CASZ1: variants seen among roughly 807,000 people sequenced by gnomAD.
CASZ1 encodes castor zinc finger 1.
Under a neutral mutation model 135.2 loss-of-function variants are expected in CASZ1, and 28 were observed. The ratio of observed to expected loss-of-function variants is 0.21; its 90% CI spans 0.15 to 0.28. The LOEUF is 0.28. CASZ1 is among the 10% of genes least tolerant of loss of function. The pLI is 1.00. For synonymous variants in CASZ1, 1,068 were observed against 1,073.4 expected, an observed-to-expected ratio of 0.99 and a Z score of 0.10; for missense variants, 2,161 against 2,453.3, an observed-to-expected ratio of 0.88 and a Z score of 2.52.
At position 10,699,124 on chromosome 1, in the gene CASZ1, C is replaced by T. The variant is rs966444057; in HGVS notation, c.-23-5212G>A. On this transcript the variant is annotated intron_variant, in intron 3 of 20. Coordinates refer to ENST00000377022, the MANE Select transcript of CASZ1 (RefSeq NM_001079843.3). This position sits in a 1 kb window ranked among gnomAD's most constrained non-coding sequence, Gnocchi z 4.6. ...TTGCTCCAGGGCGTTCTCAGGGGCC[C>T]ATGAGGCCTGGCAGGGTACCAGCCT... 6.6e-6 allele frequency among the ~76,000 whole-genome samples: 1 copy of T among 152,098 alleles called. No homozygotes were observed. The highest frequency in any genetic ancestry group is 1.5e-5 in the Non-Finnish European group (1 of 68,000).
chr1:10,795,314 T>G (rs1274639186), intron 1 of CASZ1, among the ~76,000 whole-genome samples: 1 of 152,176 alleles, frequency 6.6e-6, no homozygotes, highest in Non-Finnish European at 1.5e-5. Context: ...GCTCTCTCCC[T>G]TTGGTGTTCC....
chr1:10,779,073 C>T (rs1400823482), intron 1 of CASZ1, among the ~76,000 whole-genome samples: 1 of 152,116 alleles, frequency 6.6e-6, no homozygotes, highest in African/African-American at 2.4e-5. Context: ...TTATTTTTTC[C>T]TTCCCACTGG....
intron 4 of CASZ1, among the ~76,000 whole-genome samples, chr1:10,677,589 C>G (rs1189349558): frequency 1.3e-5 from 2 of 152,154 alleles, no homozygotes; most frequent in Admixed American, 1.3e-4. Context: ...GTCCTAGGTG[C>G]ACAGAACTTT....
intron 1 of CASZ1, among the ~76,000 whole-genome samples, chr1:10,796,045 C>G (rs962995441): frequency 6.9e-6 from 1 of 144,670 alleles, no homozygotes; most frequent in African/African-American, 2.5e-5. Flanking sequence ...CACGACCCCT[C>G]TGCTGCTGGG....
rs1424156844 is a variant in CASZ1, at chr1:10,679,077, T to C, written c.17-13506A>G. On this transcript the variant is annotated intron_variant, in intron 4 of 20. Coordinates refer to ENST00000377022, the MANE Select transcript of CASZ1 (RefSeq NM_001079843.3). This position sits in a 1 kb window ranked among gnomAD's most constrained non-coding sequence, Gnocchi z 4.7. ...GTGTCCCCTCACTCTCCTCCATCAC[T>C]GCTCCCTGGGCCATGAAGAGCTGAG... Among the ~76,000 whole-genome samples, 1 of 151,752 alleles carries C rather than the reference T, an allele frequency of 6.6e-6. No homozygotes were observed. Among genetic ancestry groups the C allele is most frequent in the Non-Finnish European group, 1.5e-5 (1 of 67,872 alleles).
At chr1:10,733,195 A>T (rs1639733846) in intron 2 of CASZ1, among the ~76,000 whole-genome samples, 3 of 152,178 alleles carry the variant, frequency 2.0e-5, no homozygotes, top group Non-Finnish European at 4.4e-5. Context: ...GGGGGACTAG[A>T]TGTGAAAGAC....
Position 10,720,523 on chromosome 1 carries a change from T to C in CASZ1, c.-76-14979A>G, listed in dbSNP as rs1639478151. ...AAGCAGCCACCAAGGCCCTGGACTG[T>C]AAGGCTGGAGGGGAAGGTGGGAAGA... On this transcript the variant is annotated intron_variant, in intron 2 of 20. Coordinates refer to ENST00000377022, the MANE Select transcript of CASZ1 (RefSeq NM_001079843.3). The surrounding 1 kb of genome is among the most constrained non-coding windows in gnomAD (Gnocchi z 5.7). Among the ~76,000 whole-genome samples the C allele has an allele frequency of 6.6e-6, 1 of 152,136 alleles. No homozygotes were observed. Among genetic ancestry groups the C allele is most frequent in the Non-Finnish European group, 1.5e-5 (1 of 68,014 alleles).
At chr1:10,681,161 A>G (rs1440458655) in intron 4 of CASZ1, among the ~76,000 whole-genome samples, 1 of 151,560 alleles carries the variant, frequency 6.6e-6, no homozygotes, top group African/African-American at 2.4e-5. Context: ...TTGGCCTCCC[A>G]AAGTGCTGGG....
chr1:10,772,290 C>T (rs1330258005), intron 1 of CASZ1, among the ~76,000 whole-genome samples: 4 of 152,156 alleles, frequency 2.6e-5, no homozygotes, highest in Non-Finnish European at 5.9e-5. Flanking sequence ...TCCATCAGTC[C>T]CAGGCACCCC....
chr1:10,658,423 G>T lies in CASZ1; in HGVS notation c.1409+85C>A, dbSNP rs531708236. 6.3e-6 allele frequency: 7 copies of T among 1,112,592 alleles called. No individual in the cohort carries two copies. In the South Asian group the frequency reaches 6.4e-5, roughly 10 times the overall value. 68.9% of individuals were successfully genotyped at this position (1,112,592 alleles called of 1,614,324 possible). On this transcript the variant is annotated intron_variant, in intron 7 of 20. Transcript: ENST00000377022. ...GCAGCTACCTTGGCCCTAGAGGTCA[G>T]ATATCAAACGAATGGCCTCAGAGTG...
intron 3 of CASZ1, among the ~76,000 whole-genome samples, chr1:10,698,763 T>A (rs72641472): frequency 0.02 from 3,087 of 152,240 alleles, 51 homozygotes; most frequent in Non-Finnish European, 0.034. Flanking sequence ...AGCGAGCTCC[T>A]CCAAACTGGC....
rs654062 is a variant in CASZ1, at chr1:10,689,022, G to A, written c.16+4852C>T. ...AAAAGGAGGAAGAGGTGGGAGCAGCGGCCAGGGTGGTCAGGGTGTAAAAAT... is the reference window on the plus strand; with the variant it reads ...AAAAGGAGGAAGAGGTGGGAGCAGCAGCCAGGGTGGTCAGGGTGTAAAAAT... On this transcript the variant is annotated intron_variant, in intron 4 of 20. Transcript: ENST00000377022. Among the ~76,000 whole-genome samples the A allele has an allele frequency of 7.6e-3, 1,160 of 152,288 alleles. 13 individuals are homozygous for A. Among genetic ancestry groups the A allele is most frequent in the Non-Finnish European group, 0.013 (873 of 68,020 alleles).
At chr1:10,742,478 C>A (rs1639943238) in intron 2 of CASZ1, among the ~76,000 whole-genome samples, 2 of 152,194 alleles carry the variant, frequency 1.3e-5, no homozygotes, top group Non-Finnish European at 2.9e-5. Flanking sequence ...TGAGTCCATT[C>A]TCTCCCCAGT....
At chr1:10,765,672 T>G (rs1640462521) in intron 1 of CASZ1, among the ~76,000 whole-genome samples, 1 of 152,078 alleles carries the variant, frequency 6.6e-6, no homozygotes, top group South Asian at 2.1e-4. Flanking sequence ...CTGGGACCCT[T>G]TAGATTTCTG....
At chr1:10,695,021 G>A (rs1638898495) in intron 3 of CASZ1, among the ~76,000 whole-genome samples, 1 of 149,466 alleles carries the variant, frequency 6.7e-6, no homozygotes, top group African/African-American at 2.4e-5. Flanking sequence ...GCGGGCGCAG[G>A]TGTGAGGCGC....
intron 4 of CASZ1, among the ~76,000 whole-genome samples, chr1:10,673,705 G>T (rs368224724): frequency 6.6e-6 from 1 of 152,226 alleles, no homozygotes; most frequent in African/African-American, 2.4e-5. Flanking sequence ...CATCTGGGGG[G>T]CTCTCACCTC....
chr1:10,662,173 C>G (rs939170367), intron 5 of CASZ1, among the ~76,000 whole-genome samples: 3 of 151,850 alleles, frequency 2.0e-5, no homozygotes, highest in African/African-American at 7.3e-5. Flanking sequence ...ACAACACACA[C>G]ATGCATTCTC....
chr1:10,660,286 G>T lies in CASZ1; in HGVS notation c.756C>A (p.Leu252=). 1 of 1,614,012 alleles carries T rather than the reference G, an allele frequency of 6.2e-7. No homozygotes were observed. Among genetic ancestry groups the T allele is most frequent in the Non-Finnish European group, 8.5e-7 (1 of 1,179,986 alleles). Residue 252 remains leucine, a synonymous_variant, in exon 6 of 21, where the codon CTC becomes CTA. Transcript: ENST00000377022. ...YIRKLKAGEQ[L]SWPAPSTKTE... ...TCTTGGTGCTGGGGGCCGGCCAGGA[G>T]AGCTGCTCGCCAGCCTTGAGCTTGC...
intron 4 of CASZ1, among the ~76,000 whole-genome samples, chr1:10,674,760 C>T (rs1643513516): frequency 6.6e-6 from 1 of 152,210 alleles, no homozygotes; most frequent in African/African-American, 2.4e-5. Flanking sequence ...TGTGGCCCTG[C>T]TCACCTCTGC....
Sources: gnomAD v4.1 joint callset for allele counts (sites outside exome capture counted in the v4.1 genomes callset) on GRCh38, gnomAD v4.1.1 for gene constraint, Gnocchi (gnomAD v3.1) non-coding constraint, MANE v1.5 for transcripts, NCBI Gene and HGNC (gene_info 2026-07-23, HGNC 2026-07-21) for gene names.